SPAG1: variants seen among roughly 807,000 people sequenced by gnomAD.
The protein encoded by SPAG1 is sperm-associated antigen 1.
In SPAG1, 69 loss-of-function variants were observed where a neutral mutation model predicts 100.5. That is an observed-to-expected ratio of 0.69 (90% confidence interval 0.57 to 0.84). The LOEUF (loss-of-function observed/expected upper bound fraction) is 0.84, where lower values mean the gene tolerates loss of function less well. Ranked by LOEUF, SPAG1 falls within the 40% of genes least tolerant of loss-of-function variation. The pLI is 0.00. For synonymous variants in SPAG1, 336 were observed against 411.6 expected (o/e 0.82, Z 2.22); for missense variants, 955 against 1,133.1 (o/e 0.84, Z 2.26).
intron 10 of SPAG1, among the ~76,000 whole-genome samples, chr8:100,212,103 G>A (rs80117381): frequency 0.021 from 3,193 of 152,216 alleles, 85 homozygotes; most frequent in Non-Finnish European, 0.025. Flanking sequence ...ATCCAAATTG[G>A]ATGTTATTCT....
intron 2 of SPAG1, 82 bp from the exon 3 acceptor site, chr8:100,165,732 C>T: frequency 1.7e-6 from 2 of 1,159,714 alleles, no homozygotes; most frequent in Admixed American, 2.4e-5. Context: ...CTCAGGGTTC[C>T]ATGGAACCCA....
chr8:100,181,169 C>T (rs1209038030), intron 4 of SPAG1, among the ~76,000 whole-genome samples: 1 of 152,144 alleles, frequency 6.6e-6, no homozygotes, highest in Non-Finnish European at 1.5e-5. Flanking sequence ...ATACTGAGTC[C>T]ATGTCTTGAG....
chr8:100,186,758 G>T (rs937913506), intron 7 of SPAG1, among the ~76,000 whole-genome samples: 1 of 152,076 alleles, frequency 6.6e-6, no homozygotes, highest in African/African-American at 2.4e-5. Flanking sequence ...GTGCTAGCAG[G>T]GTTGGTTTTT....
At chr8:100,225,363 C>A in intron 14 of SPAG1, 24 bp downstream of exon 14, 1 of 1,608,786 alleles carries the variant, frequency 6.2e-7, no homozygotes, top group Non-Finnish European at 8.5e-7. Flanking sequence ...GCACTCATTT[C>A]TTCTCAAGGT....
At chr8:100,172,233 A>G (rs929463267) in intron 3 of SPAG1, among the ~76,000 whole-genome samples, 2 of 151,872 alleles carry the variant, frequency 1.3e-5, no homozygotes, top group Non-Finnish European at 1.5e-5. Flanking sequence ...AGAACTTTTC[A>G]TTGGCTTTTA....
In SPAG1 at chr8:100,176,807, CCCTCTCCTCT is replaced by C. The variant is rs140625738; in HGVS notation, c.301-983_301-974del. On this transcript the variant is annotated intron_variant, in intron 3 of 18. Coordinates refer to ENST00000388798, the MANE Select transcript of SPAG1 (RefSeq NM_003114.5). ...GATGCAATGATGGCCTCATAAATTT[CCCTCTCCTCT>C]CCTCTCCTCTCCTCTCCTCTCCTCT... Among the ~76,000 whole-genome samples, 718 of 116,358 alleles carry C rather than the reference CCCTCTCCTCT, an allele frequency of 6.2e-3. 4 individuals are homozygous for C. The highest frequency in any genetic ancestry group is 0.023 in the African/African-American group (648 of 28,682). 76.3% of individuals were successfully genotyped at this position (116,358 alleles called of 152,430 possible). A position where few individuals can be genotyped will look rare whatever the true frequency, so the allele number is the denominator to read the frequency against.
At chr8:100,186,056 GA>G (rs1451977428) in intron 7 of SPAG1, among the ~76,000 whole-genome samples, 3 of 119,422 alleles carry the variant, frequency 2.5e-5, no homozygotes, top group Non-Finnish European at 5.1e-5. Flanking sequence ...ACCTTGGGCA[GA>G]TTCTTTTTTT....
intron 3 of SPAG1, among the ~76,000 whole-genome samples, chr8:100,173,349 G>A (rs1416579427): frequency 2.0e-5 from 3 of 151,030 alleles, no homozygotes; most frequent in African/African-American, 7.3e-5. Flanking sequence ...ATTCTTTCTC[G>A]CTCCCTTCCT....
chr8:100,184,981 A>G (rs1042373984), intron 7 of SPAG1, among the ~76,000 whole-genome samples: 1 of 152,200 alleles, frequency 6.6e-6, no homozygotes, highest in Non-Finnish European at 1.5e-5. Context: ...AATAGAAGGC[A>G]TCTGACAGGA....
At position 100,162,299 on chromosome 8, in the gene SPAG1, C is replaced by G. The variant is rs368510045; in HGVS notation, c.19C>G (p.Pro7Ala). Reference sequence around the variant, plus strand: ...TTCAGCTATGACCACCAAAGATTATCCATCATTGTGGGGCTTTGGAACAAC... The same window carrying G: ...TTCAGCTATGACCACCAAAGATTATGCATCATTGTGGGGCTTTGGAACAAC... MTTKDY[P>A]SLWGFGTTKT... Residue 7 changes from proline to alanine, a missense_variant, in exon 2 of 19, where the codon CCA becomes GCA. Physicochemically the swap from Pro to Ala is conservative, Grantham distance 27. Coordinates refer to ENST00000388798, the MANE Select transcript of SPAG1 (RefSeq NM_003114.5). The G allele has an allele frequency of 6.2e-7, 1 of 1,600,598 alleles. No individual in the cohort carries two copies. The highest frequency in any genetic ancestry group is 1.8e-5 in the Admixed American group (1 of 56,582).
At chr8:100,203,032 G>T (rs561395225) in intron 10 of SPAG1, among the ~76,000 whole-genome samples, 8 of 152,144 alleles carry the variant, frequency 5.3e-5, no homozygotes, top group Non-Finnish European at 1.0e-4. Flanking sequence ...AGGATACAAA[G>T]TATTGATCCT....
At chr8:100,222,056 C>T (rs1371166949) in intron 13 of SPAG1, among the ~76,000 whole-genome samples, 3 of 152,256 alleles carry the variant, frequency 2.0e-5, no homozygotes, top group Non-Finnish European at 4.4e-5. Context: ...TTGGCCTTGA[C>T]CAGGCGGTCT....
chr8:100,215,363 C>T (rs553888155), intron 12 of SPAG1, among the ~76,000 whole-genome samples: 2 of 152,216 alleles, frequency 1.3e-5, no homozygotes, highest in East Asian at 3.9e-4. Context: ...ACTATTAGTA[C>T]ATCTAAAAAA....
chr8:100,174,372 A>G (rs1367855828), intron 3 of SPAG1, among the ~76,000 whole-genome samples: 1 of 152,320 alleles, frequency 6.6e-6, no homozygotes, highest in African/African-American at 2.4e-5. Flanking sequence ...TATCCTCGTC[A>G]TCATCACATT....
At chr8:100,209,148 C>T (rs894882199) in intron 10 of SPAG1, among the ~76,000 whole-genome samples, 3 of 152,060 alleles carry the variant, frequency 2.0e-5, no homozygotes, top group Non-Finnish European at 4.4e-5. Context: ...ACATCTTTCT[C>T]CTGTGCTGGG....
At chr8:100,219,561 A>G (rs1470390162) in intron 12 of SPAG1, among the ~76,000 whole-genome samples, 1 of 152,272 alleles carries the variant, frequency 6.6e-6, no homozygotes, top group African/African-American at 2.4e-5. Flanking sequence ...TTATTGGGAC[A>G]TAACCATATT....
chr8:100,204,881 C>T (rs926167304), intron 10 of SPAG1, among the ~76,000 whole-genome samples: 25 of 152,156 alleles, frequency 1.6e-4, no homozygotes, highest in African/African-American at 6.0e-4. Flanking sequence ...CCTGAGGTGG[C>T]AGGAGCCAAG....
chr8:100,213,104 G>C lies in SPAG1; in HGVS notation c.1111G>C (p.Ala371Pro), dbSNP rs1424915325. 2.0e-6 allele frequency: 3 copies of C among 1,478,654 alleles called. No homozygotes were observed. The highest frequency in any genetic ancestry group is 2.7e-6 in the Non-Finnish European group (3 of 1,121,518). 91.6% of individuals were successfully genotyped at this position (1,478,654 alleles called of 1,614,324 possible). Residue 371 changes from alanine to proline, a missense_variant, in exon 11 of 19, where the codon GCG becomes CCG. Ala to Pro is a conservative substitution (Grantham distance 27). Transcript: ENST00000388798. ...CTTCCTCACAGAGCCCGCGGAGCCG[G>C]CGGGAGCCGCGCGCGCCGCCCAGCC... ...GGGDKKPAEP[A>P]GAARAAQPCV...
At chr8:100,230,519 C>A (rs1036946737) in intron 14 of SPAG1, among the ~76,000 whole-genome samples, 1 of 152,222 alleles carries the variant, frequency 6.6e-6, no homozygotes, top group Non-Finnish European at 1.5e-5. Context: ...TTGCTTAATT[C>A]TCTCCATCTC....
Sources: gnomAD v4.1 joint callset for allele counts (sites outside exome capture counted in the v4.1 genomes callset) on GRCh38, gnomAD v4.1.1 for gene constraint, MANE v1.5 for transcripts, NCBI Gene and HGNC (gene_info 2026-07-23, HGNC 2026-07-21) for gene names.